POLE2: variants seen among roughly 807,000 people sequenced by gnomAD.
POLE2 encodes DNA polymerase epsilon subunit 2.
POLE2 carries 56 observed loss-of-function variants against 79.4 expected under a neutral mutation model. The ratio of observed to expected loss-of-function variants is 0.71; its 90% confidence interval spans 0.57 to 0.88. The LOEUF is 0.88. POLE2 is among the 40% of genes least tolerant of loss of function. The pLI is 0.00. For synonymous variants in POLE2, 212 were observed against 214.0 expected (o/e 0.99, Z 0.08); for missense variants, 598 against 638.9 (o/e 0.94, Z 0.69).
chr14:49,681,967 C>T (rs1886743773), intron 2 of POLE2: 1 of 149,612 alleles, frequency 6.7e-6, no homozygotes, highest in Admixed American at 6.7e-5. Context: ...AAATGACCAT[C>T]TTTTATAGAA....
At chr14:49,663,143 G>C (rs1483394201) in intron 10 of POLE2, among the ~76,000 whole-genome samples, 172 bp downstream of exon 10, 2 of 152,160 alleles carry the variant, frequency 1.3e-5, no homozygotes, top group African/African-American at 2.4e-5. Context: ...CAATCTGCTA[G>C]TTTTCACATT....
rs193023400 is a variant in POLE2, at chr14:49,669,967, A to G, written c.418-369T>C. On this transcript the variant is annotated intron_variant, in intron 5 of 18. Coordinates refer to ENST00000216367, the MANE Select transcript of POLE2 (RefSeq NM_002692.4). ...CCCAGGCCAAAGGGGCCACTGAACA[A>G]CAGCCCAGATGATAAATAAGATTTG... Among the ~76,000 whole-genome samples the G allele has an allele frequency of 7.8e-4, 118 of 152,210 alleles. No individual in the cohort carries two copies. The East Asian group carries it at 0.02, about 26-fold the overall frequency.
intron 2 of POLE2, 75 bp from the exon 3 acceptor site, chr14:49,679,875 C>CA: frequency 1.2e-6 from 1 of 805,854 alleles, no homozygotes; most frequent in Non-Finnish European, 2.1e-6. Flanking sequence ...GCTCTTTTCC[C>CA]AAAAATAATT....
In POLE2 at chr14:49,687,727, GTCTC is replaced by G. The variant is rs56323156; in HGVS notation, c.68+405_68+408del. Among the ~76,000 whole-genome samples the G allele has an allele frequency of 7.0e-4, 106 of 151,988 alleles. 2 individuals carry two copies. In the East Asian group the frequency reaches 0.018, roughly 26 times the overall value. ...CTTCTTAGAACTTTTTTTTAATGGA[GTCTC>G]TCTCTGTCGCCAGGATGGAGTAGAG... is the stretch of plus-strand genomic sequence containing the variant. On this transcript the variant is annotated intron_variant, in intron 1 of 18. Coordinates refer to ENST00000216367, the MANE Select transcript of POLE2 (RefSeq NM_002692.4).
At chr14:49,653,115 T>C (rs1004535886) in intron 15 of POLE2, among the ~76,000 whole-genome samples, 1 of 152,112 alleles carries the variant, frequency 6.6e-6, no homozygotes, top group African/African-American at 2.4e-5. Context: ...TTAGGGACAC[T>C]CGTGGGGAGG....
chr14:49,653,633 T>G (rs1884436956), intron 15 of POLE2, among the ~76,000 whole-genome samples: 1 of 151,932 alleles, frequency 6.6e-6, no homozygotes, highest in African/African-American at 2.4e-5. Flanking sequence ...GTTTTTTGTT[T>G]TTTTTGTTTT....
chr14:49,646,311 T>TG (rs1883766850), intron 18 of POLE2, among the ~76,000 whole-genome samples: 1 of 65,072 alleles, frequency 1.5e-5, no homozygotes, highest in Admixed American at 1.7e-4. Context: ...GGTTTTTTTT[T>TG]TTTTTTTTTT....
Position 49,664,071 on chromosome 14 carries a change from G to A in POLE2, c.682+555C>T, listed in dbSNP as rs1430700298. Among the ~76,000 whole-genome samples the A allele has an allele frequency of 1.3e-5, 2 of 150,030 alleles. 1 individual carries two copies. Among genetic ancestry groups the A allele is most frequent in the South Asian group, 4.2e-4 (2 of 4,748 alleles). On this transcript the variant is annotated intron_variant, in intron 9 of 18. Transcript: ENST00000216367. ...AAAAAAAAAGTATATAATTCAGGCC[G>A]GGCATGGTGGCTCACGCCTGTAATC...
intron 3 of POLE2, chr14:49,677,281 T>C: frequency 1.7e-6 from 1 of 596,440 alleles, no homozygotes; most frequent in Non-Finnish European, 3.1e-6. Flanking sequence ...GCTTCCGTTC[T>C]TTAAGAGAGA....
At chr14:49,654,667 T>G (rs1190161162) in intron 13 of POLE2, 117 bp downstream of exon 13, 1 of 1,219,944 alleles carries the variant, frequency 8.2e-7, no homozygotes, top group Non-Finnish European at 1.1e-6. Context: ...TCTTTTAATT[T>G]TCTCAACTTT....
chr14:49,675,151 C>G (rs533829521), intron 3 of POLE2, among the ~76,000 whole-genome samples: 13 of 149,894 alleles, frequency 8.7e-5, no homozygotes, highest in South Asian at 6.3e-4. Context: ...ATGGCTCGAT[C>G]GTGGCTCACC....
At chr14:49,666,213 G>A (rs1885480888) in intron 7 of POLE2, 117 bp downstream of exon 7, 2 of 644,152 alleles carry the variant, frequency 3.1e-6, no homozygotes, top group African/African-American at 3.8e-5. Flanking sequence ...TTGTTCTGTT[G>A]GTGAGGCGAG....
chr14:49,644,476 C>T (rs1330923856), intron 18 of POLE2, among the ~76,000 whole-genome samples: 4 of 150,164 alleles, frequency 2.7e-5, no homozygotes, highest in Non-Finnish European at 5.9e-5. Flanking sequence ...CGCCATTGCA[C>T]TCCAGCCTGG....
intron 18 of POLE2, among the ~76,000 whole-genome samples, chr14:49,643,875 CTTTTTTTTTT>C (rs11361567): frequency 3.8e-5 from 2 of 53,206 alleles, no homozygotes; most frequent in Non-Finnish European, 7.4e-5. Context: ...AAATGTATGT[CTTTTTTTTTT>C]TTTTTTTTTT....
intron 6 of POLE2, among the ~76,000 whole-genome samples, chr14:49,667,168 G>C (rs1885547225): frequency 6.6e-6 from 1 of 151,184 alleles, no homozygotes; most frequent in South Asian, 2.1e-4. Context: ...CTGGGTGACA[G>C]AGCAAGACTC....
intron 1 of POLE2, among the ~76,000 whole-genome samples, chr14:49,687,775 C>T (rs746556667): frequency 6.6e-6 from 1 of 151,984 alleles, no homozygotes; most frequent in Non-Finnish European, 1.5e-5. Flanking sequence ...TATCGGCTCA[C>T]CGCAACCTCC....
Position 49,663,405 on chromosome 14 carries a change from C to A in POLE2, c.683-18G>T. The A allele has an allele frequency of 6.3e-7, 1 of 1,576,640 alleles. No homozygotes were observed. Among genetic ancestry groups the A allele is most frequent in the Non-Finnish European group, 8.7e-7 (1 of 1,150,506 alleles). On this transcript the variant is annotated intron_variant, in intron 9 of 18. Transcript: ENST00000216367. ...AAACCAACCTGAAAAAAAGTAACGTCACTTTCATTTGTCTAATCCTCTATG... is the reference window on the plus strand; with the variant it reads ...AAACCAACCTGAAAAAAAGTAACGTAACTTTCATTTGTCTAATCCTCTATG...
At position 49,654,060 on chromosome 14, in the gene POLE2, G is replaced by C. The variant is rs754195790; in HGVS notation, c.1141C>G (p.Leu381Val). Residue 381 changes from leucine (L) to valine (V), a missense_variant, in exon 15 of 19, where the codon CTT becomes GTT. Physicochemically the swap from Leu to Val is conservative, Grantham distance 32 (BLOSUM62 1). Coordinates refer to ENST00000216367, the MANE Select transcript of POLE2 (RefSeq NM_002692.4). Reference sequence around the variant, plus strand: ...AATTCATTAGTGATGCTTTCAGCAAGTGGTGGCCTATAAAAACAATTTATG... The same window carrying C: ...AATTCATTAGTGATGCTTTCAGCAACTGGTGGCCTATAAAAACAATTTATG... ...GFGSILPRPP[L>V]AESITNEFRQ... The C allele has an allele frequency of 1.2e-6, 2 of 1,603,000 alleles. No individual in the cohort carries two copies. Among genetic ancestry groups the C allele is most frequent in the Admixed American group, 3.3e-5 (2 of 59,882 alleles).
rs45604139 is a variant in POLE2 at position 49,662,134 on chromosome 14, T to G, written c.755+1181A>C. Among the ~76,000 whole-genome samples the G allele has an allele frequency of 8.5e-3, 1,302 of 152,320 alleles. 25 individuals carry two copies. Among genetic ancestry groups the G allele is most frequent in the African/African-American group, 0.029 (1,219 of 41,568 alleles). ...CAAAAGCACTCAAATAGAGGTGAGC[T>G]TGGCTTGATTAGGGCTTGTGTTCTC... On this transcript the variant is annotated intron_variant, in intron 10 of 18. Transcript: ENST00000216367.
Sources: allele counts gnomAD v4.1 joint callset (sites outside exome capture counted in the v4.1 genomes callset), GRCh38; gene constraint gnomAD v4.1.1; transcripts MANE v1.5; gene names NCBI Gene and HGNC (gene_info 2026-07-23, HGNC 2026-07-21).